The following CCSER1 variants were observed in gnomAD, a reference collection of about 807,000 sequenced individuals.
The protein encoded by CCSER1 is serine-rich coiled-coil domain-containing protein 1.
Under a neutral mutation model 82.0 loss-of-function variants are expected in CCSER1, and 41 were observed. The observed-to-expected ratio is 0.50, with a 90% confidence interval of 0.39 to 0.65. The LOEUF is 0.65. CCSER1 is among the 30% of genes least tolerant of loss of function. The pLI is 0.00. For missense variants in CCSER1, 1,119 were observed against 1,064.2 expected, an observed-to-expected ratio of 1.05 and a Z score of -0.72; for synonymous variants, 414 against 383.9, an observed-to-expected ratio of 1.08 and a Z score of -0.92.
intron 1 of CCSER1, among the ~76,000 whole-genome samples, chr4:90,181,382 G>A (rs570099946): frequency 6.4e-4 from 97 of 152,052 alleles, no homozygotes; most frequent in Non-Finnish European, 1.2e-3. Flanking sequence ...TGAACTTTTG[G>A]TACATGCTAC....
Position 91,419,430 on chromosome 4 carries a change from G to A in CCSER1, c.2218-179142G>A, listed in dbSNP as rs1380201650. Among the ~76,000 whole-genome samples, 6 of 151,980 alleles carry A rather than the reference G, an allele frequency of 3.9e-5. No homozygotes were observed. In the South Asian group the frequency reaches 1.0e-3, roughly 26 times the overall value. On this transcript the variant is annotated intron_variant, in intron 10 of 10. Transcript: ENST00000509176. Reference sequence around the variant, plus strand: ...TCTGAAAAGTTACAATGAGCCACCTGAAAAAGAAATTAAGAAAACAATTTC... The same window carrying A: ...TCTGAAAAGTTACAATGAGCCACCTAAAAAAGAAATTAAGAAAACAATTTC...
chr4:91,264,579 CT>C (rs1236875171), intron 10 of CCSER1, among the ~76,000 whole-genome samples: 7 of 151,958 alleles, frequency 4.6e-5, no homozygotes, highest in Non-Finnish European at 7.4e-5. Flanking sequence ...CACTCTCGCA[CT>C]ACAATTGTGA....
intron 10 of CCSER1, among the ~76,000 whole-genome samples, chr4:91,207,833 T>A (rs1736469205): frequency 6.6e-6 from 1 of 151,986 alleles, no homozygotes; most frequent in African/African-American, 2.4e-5. Context: ...TTGAACTAAT[T>A]TCCACTCCCA....
intron 1 of CCSER1, among the ~76,000 whole-genome samples, chr4:90,130,397 C>T (rs950999449): frequency 5.3e-5 from 8 of 152,042 alleles, no homozygotes; most frequent in Non-Finnish European, 4.4e-5. Context: ...GAGAATGCTT[C>T]GGGGGTGGGT....
At chr4:91,241,304 T>C (rs571636076) in intron 10 of CCSER1, among the ~76,000 whole-genome samples, 2 of 98,012 alleles carry the variant, frequency 2.0e-5, no homozygotes, top group Non-Finnish European at 3.8e-5. Flanking sequence ...TTTAGAACAC[T>C]GAAATCTCTA....
chr4:90,353,124 A>G (rs775512582), intron 3 of CCSER1, among the ~76,000 whole-genome samples: 2 of 152,204 alleles, frequency 1.3e-5, no homozygotes, highest in East Asian at 1.9e-4. Context: ...TGAGGTGTGG[A>G]CATCTGAGGC....
intron 7 of CCSER1, among the ~76,000 whole-genome samples, chr4:90,760,229 G>A (rs557383006): frequency 6.6e-6 from 1 of 151,884 alleles, no homozygotes; most frequent in South Asian, 2.1e-4. Flanking sequence ...TTAAAATACT[G>A]TCAAGTTCTG....
intron 10 of CCSER1, among the ~76,000 whole-genome samples, chr4:91,487,672 C>G (rs1289797324): frequency 6.6e-6 from 1 of 151,988 alleles, no homozygotes; most frequent in East Asian, 1.9e-4. Context: ...CTCAAATTTT[C>G]TATAATTTTA....
intron 5 of CCSER1, among the ~76,000 whole-genome samples, chr4:90,541,674 A>G (rs1284339142): frequency 6.6e-6 from 1 of 151,972 alleles, no homozygotes; most frequent in Non-Finnish European, 1.5e-5. Flanking sequence ...CTCTCAATAT[A>G]TGTATATAGC....
chr4:90,375,598 C>G (rs1748177552), intron 3 of CCSER1, among the ~76,000 whole-genome samples: 2 of 152,164 alleles, frequency 1.3e-5, no homozygotes, highest in African/African-American at 4.8e-5. Context: ...TAACTGAATG[C>G]TGGGTCCTCT....
chr4:91,098,506 G>A (rs1724728707), intron 10 of CCSER1, among the ~76,000 whole-genome samples: 1 of 151,732 alleles, frequency 6.6e-6, no homozygotes, highest in South Asian at 2.1e-4. Context: ...GTTAAGCAAA[G>A]TCACTCTTTT....
intron 8 of CCSER1, among the ~76,000 whole-genome samples, chr4:90,905,016 TG>T (rs1725248384): frequency 1.3e-5 from 2 of 152,090 alleles, no homozygotes; most frequent in African/African-American, 2.4e-5. Flanking sequence ...ACTTGGGAGT[TG>T]TTCTTTACTG....
intron 5 of CCSER1, among the ~76,000 whole-genome samples, chr4:90,596,871 G>A (rs1346251192): frequency 4.6e-5 from 7 of 151,804 alleles, no homozygotes; most frequent in Middle Eastern, 6.3e-3. Flanking sequence ...TACAATCTAT[G>A]ATGAATGACA....
At chr4:90,399,237 C>A (rs866043397) in intron 3 of CCSER1, among the ~76,000 whole-genome samples, 3 of 152,064 alleles carry the variant, frequency 2.0e-5, no homozygotes, top group African/African-American at 7.2e-5. Context: ...CAGCACATTA[C>A]CATCTCTTCT....
At chr4:91,487,539 C>G (rs550555842) in intron 10 of CCSER1, among the ~76,000 whole-genome samples, 2 of 152,120 alleles carry the variant, frequency 1.3e-5, no homozygotes, top group Non-Finnish European at 2.9e-5. Flanking sequence ...TTACTACCAA[C>G]TATTTACATT....
intron 8 of CCSER1, among the ~76,000 whole-genome samples, chr4:90,896,671 C>T (rs1426332712): frequency 2.0e-5 from 3 of 151,784 alleles, no homozygotes; most frequent in Non-Finnish European, 4.4e-5. Flanking sequence ...AAATCCAATA[C>T]TGGGAGCACT....
chr4:90,398,473 T>A (rs984027407), intron 3 of CCSER1, among the ~76,000 whole-genome samples: 1 of 152,242 alleles, frequency 6.6e-6, no homozygotes, highest in Non-Finnish European at 1.5e-5. Context: ...GAGTCTCTCA[T>A]TTGGATAGTG....
intron 7 of CCSER1, chr4:90,782,111 A>T (rs561835208): frequency 3.6e-4 from 124 of 347,492 alleles, no homozygotes; most frequent in Non-Finnish European, 4.8e-4. Flanking sequence ...GAAAAAATCC[A>T]GTCTTGATTA....
At chr4:91,303,142 C>T (rs553415168) in intron 10 of CCSER1, among the ~76,000 whole-genome samples, 1 of 151,938 alleles carries the variant, frequency 6.6e-6, no homozygotes, top group Non-Finnish European at 1.5e-5. Flanking sequence ...TAGTCTAGTT[C>T]ATGTTAAGAA....
Sources: gnomAD v4.1 joint callset for allele counts (sites outside exome capture counted in the v4.1 genomes callset) on GRCh38, gnomAD v4.1.1 for gene constraint, MANE v1.5 for transcripts, NCBI Gene and HGNC (gene_info 2026-07-23, HGNC 2026-07-21) for gene names.